LPP: variants seen among roughly 807,000 people sequenced by gnomAD.
LPP encodes the protein LIM domain containing preferred translocation partner in lipoma.
Under a neutral mutation model 60.4 loss-of-function variants are expected in LPP, and 38 were observed. The ratio of observed to expected loss-of-function variants is 0.63; its 90% CI spans 0.49 to 0.83. The LOEUF is 0.83. Among genes scored for constraint, LPP ranks in the 40% least tolerant of loss-of-function variants. LPP has a pLI of 0.00. For missense variants in LPP, 902 were observed against 783.6 expected (o/e 1.15, Z -1.80); for synonymous variants, 328 against 290.8 (o/e 1.13, Z -1.30).
At chr3:188,236,584 G>A (rs565150026) in intron 2 of LPP, among the ~76,000 whole-genome samples, 5 of 152,120 alleles carry the variant, frequency 3.3e-5, no homozygotes, top group Admixed American at 1.3e-4. Context: ...GACCACCACC[G>A]CAATAAAACA....
chr3:188,361,776 C>G (rs1769488415), intron 3 of LPP, among the ~76,000 whole-genome samples: 1 of 152,072 alleles, frequency 6.6e-6, no homozygotes, highest in African/African-American at 2.4e-5. Context: ...CCATGTTGGC[C>G]AGGCTGGTCT....
At chr3:188,385,969 A>G (rs1778156876) in intron 3 of LPP, among the ~76,000 whole-genome samples, 1 of 152,080 alleles carries the variant, frequency 6.6e-6, no homozygotes, top group South Asian at 2.1e-4. Context: ...TGTATGTCAA[A>G]TTTTACTTGG....
chr3:188,527,010 T>G (rs537644982), intron 6 of LPP, among the ~76,000 whole-genome samples: 1 of 152,258 alleles, frequency 6.6e-6, no homozygotes, highest in East Asian at 1.9e-4. Flanking sequence ...TGAGTGGAAT[T>G]GTATCGTTCG....
chr3:188,323,919 T>C (rs946195365), intron 2 of LPP, among the ~76,000 whole-genome samples: 1 of 152,248 alleles, frequency 6.6e-6, no homozygotes, highest in African/African-American at 2.4e-5. Context: ...ATATAACGTC[T>C]CTGAGCATTA....
intron 6 of LPP, among the ~76,000 whole-genome samples, chr3:188,542,376 C>G (rs996336018): frequency 2.0e-5 from 3 of 152,168 alleles, no homozygotes; most frequent in African/African-American, 7.2e-5. Flanking sequence ...TTATGATAGG[C>G]ACATCCTTCT....
At chr3:188,383,111 A>G (rs1165459511) in intron 3 of LPP, among the ~76,000 whole-genome samples, 2 of 152,114 alleles carry the variant, frequency 1.3e-5, no homozygotes, top group Non-Finnish European at 2.9e-5. Flanking sequence ...TTATGCTTCT[A>G]TTTTTGCCTT....
chr3:188,224,281 A>C (rs1251869281), intron 1 of LPP, among the ~76,000 whole-genome samples: 1 of 152,118 alleles, frequency 6.6e-6, no homozygotes, highest in Non-Finnish European at 1.5e-5. Flanking sequence ...TGAACTTGGA[A>C]TTGTTTTGTA....
intron 3 of LPP, among the ~76,000 whole-genome samples, chr3:188,359,254 T>G (rs1017770982): frequency 1.3e-5 from 2 of 152,194 alleles, no homozygotes; most frequent in African/African-American, 2.4e-5. Flanking sequence ...GAAATTGTTA[T>G]GTGTCAGTTA....
At chr3:188,637,725 C>T (rs1305810799) in intron 7 of LPP, among the ~76,000 whole-genome samples, 1 of 152,044 alleles carries the variant, frequency 6.6e-6, no homozygotes, top group African/African-American at 2.4e-5. Context: ...ATCAGAGAAA[C>T]CTACAAACAC....
At chr3:188,624,222 T>A (rs901101729) in intron 7 of LPP, among the ~76,000 whole-genome samples, 6 of 152,184 alleles carry the variant, frequency 3.9e-5, no homozygotes, top group African/African-American at 1.4e-4. Context: ...GGACTAACAT[T>A]GTTTTGTACA....
intron 8 of LPP, among the ~76,000 whole-genome samples, chr3:188,741,771 A>G (rs1472924688): frequency 6.6e-6 from 1 of 152,074 alleles, no homozygotes; most frequent in African/African-American, 2.4e-5. Context: ...CCCACAAACC[A>G]TAAAGTTAAA....
rs535544699 is a variant in LPP at position 188,500,038 on chromosome 3, T to C, written c.306+15334T>C. ...TCTTTAGGGTTTTCTACATATAAGA[T>C]TATGTCATCTACAAGAAGAGATGAT... On this transcript the variant is annotated intron_variant, in intron 5 of 11. Coordinates refer to ENST00000617246, the MANE Select transcript of LPP (RefSeq NM_001375462.1). Among the ~76,000 whole-genome samples the C allele has an allele frequency of 1.1e-4, 17 of 152,278 alleles. No homozygotes were observed. The South Asian group carries it at 3.1e-3, about 28-fold the overall frequency.
At chr3:188,758,552 A>T (rs1731118864) in intron 8 of LPP, among the ~76,000 whole-genome samples, 1 of 152,212 alleles carries the variant, frequency 6.6e-6, no homozygotes, top group South Asian at 2.1e-4. Context: ...GGATATAAAG[A>T]AATACTTTTC....
At chr3:188,473,083 G>C (rs1342519396) in intron 4 of LPP, among the ~76,000 whole-genome samples, 1 of 151,868 alleles carries the variant, frequency 6.6e-6, no homozygotes, top group African/African-American at 2.4e-5. Context: ...AAAGTTATTG[G>C]ACTAGTTCAA....
rs1274668598 is a variant in LPP at position 188,225,520 on chromosome 3, C to G, written c.-74C>G. ...GCTCATCAGAGGGAAGATCTTTTTC[C>G]TCAATTGGTGAGTCCCGCACACAAA... is the stretch of plus-strand genomic sequence containing the variant. On this transcript the variant is annotated 5_prime_UTR_variant, in exon 2 of 12. Transcript: ENST00000617246. 1.3e-5 allele frequency: 2 copies of G among 152,162 alleles called. No individual in the cohort carries two copies. Among genetic ancestry groups the G allele is most frequent in the Non-Finnish European group, 2.9e-5 (2 of 68,020 alleles). 9.4% of individuals were successfully genotyped at this position (152,162 alleles called of 1,614,324 possible). A position where few individuals can be genotyped will look rare whatever the true frequency, so the allele number is the denominator to read the frequency against.
intron 8 of LPP, among the ~76,000 whole-genome samples, chr3:188,714,861 T>C (rs574378716): frequency 5.9e-5 from 9 of 152,212 alleles, no homozygotes; most frequent in Non-Finnish European, 1.2e-4. Flanking sequence ...ACTGGTGTCA[T>C]TGAGAGGGCC....
At chr3:188,506,366 GT>G (rs1264736535) in intron 5 of LPP, among the ~76,000 whole-genome samples, 4 of 152,190 alleles carry the variant, frequency 2.6e-5, no homozygotes, top group African/African-American at 9.7e-5. Context: ...GCTACTATGA[GT>G]CAGTTAATAA....
chr3:188,872,911 T>C, intron 11 of LPP, 148 bp downstream of exon 11: 4 of 1,004,874 alleles, frequency 4.0e-6, no homozygotes, highest in East Asian at 2.6e-5. Context: ...TTGACACTAG[T>C]ATTCCGAGCA....
intron 1 of LPP, among the ~76,000 whole-genome samples, chr3:188,172,119 G>C (rs1431113791): frequency 1.3e-5 from 2 of 152,228 alleles, no homozygotes; most frequent in Non-Finnish European, 1.5e-5. Flanking sequence ...TTCACCTTGA[G>C]AGTCCTTTTT....
Sources: gnomAD v4.1 joint callset for allele counts (sites outside exome capture counted in the v4.1 genomes callset) on GRCh38, gnomAD v4.1.1 for gene constraint, MANE v1.5 for transcripts, NCBI Gene and HGNC (gene_info 2026-07-23, HGNC 2026-07-21) for gene names.